The following BNC2 variants were observed in gnomAD, a reference collection of about 807,000 sequenced individuals.
The protein encoded by BNC2 is basonuclin zinc finger protein 2, also known as zinc finger protein basonuclin-2.
In BNC2, 20 loss-of-function variants were observed where a neutral mutation model predicts 76.3. That is an observed-to-expected ratio of 0.26 (90% CI 0.18 to 0.38). The LOEUF (loss-of-function observed/expected upper bound fraction) is 0.38. Among genes scored for constraint, BNC2 ranks in the 10% least tolerant of loss-of-function variants. The pLI is 1.00. For synonymous variants in BNC2, 582 were observed against 514.8 expected (o/e 1.13, Z -1.77); for missense variants, 1,382 against 1,399.8 (o/e 0.99, Z 0.20).
At chr9:16,429,871 C>T (rs186017835) in intron 6 of BNC2, 12 of 477,282 alleles carry the variant, frequency 2.5e-5, no homozygotes, top group East Asian at 1.2e-4. Flanking sequence ...GAGGCTTAAA[C>T]GAGCTTGTCT....
chr9:16,437,777 C>T (rs1017136404), intron 5 of BNC2, among the ~76,000 whole-genome samples: 1 of 152,164 alleles, frequency 6.6e-6, no homozygotes, highest in African/African-American at 2.4e-5. Flanking sequence ...ATGTAGACCA[C>T]TGGGGCTCTG....
At chr9:16,471,688 G>A (rs1387633316) in intron 5 of BNC2, among the ~76,000 whole-genome samples, 1 of 152,182 alleles carries the variant, frequency 6.6e-6, no homozygotes, top group African/African-American at 2.4e-5. Flanking sequence ...ATGCTGAAAT[G>A]AGTTAAGACT....
chr9:16,645,338 T>C (rs1821594405), intron 3 of BNC2, among the ~76,000 whole-genome samples: 1 of 152,216 alleles, frequency 6.6e-6, no homozygotes. Flanking sequence ...TAAAAAATTA[T>C]TATTTTCTGC....
intron 5 of BNC2, among the ~76,000 whole-genome samples, chr9:16,437,730 G>C (rs3814110): frequency 0.086 from 13,088 of 152,222 alleles, 587 homozygotes; most frequent in Middle Eastern, 0.13. Flanking sequence ...CACAGTTAGA[G>C]AAACAGATTG....
chr9:16,561,867 G>T (rs1386790614), intron 4 of BNC2, among the ~76,000 whole-genome samples: 2 of 152,074 alleles, frequency 1.3e-5, no homozygotes, highest in Non-Finnish European at 2.9e-5. Context: ...AGCTGAGCAT[G>T]GTGGCACGTG....
chr9:16,788,298 A>G (rs796957908), intron 1 of BNC2, among the ~76,000 whole-genome samples: 6 of 152,080 alleles, frequency 3.9e-5, no homozygotes, highest in Non-Finnish European at 8.8e-5. Flanking sequence ...TCACGCCTGT[A>G]ATCCCAGCAC....
intron 2 of BNC2, 100 bp downstream of exon 2, chr9:16,738,260 A>G: frequency 7.6e-7 from 1 of 1,315,390 alleles, no homozygotes. Flanking sequence ...ACAGTAAAAG[A>G]GTGGCAGAAA....
intron 5 of BNC2, among the ~76,000 whole-genome samples, chr9:16,551,409 A>G: frequency 6.6e-6 from 1 of 152,212 alleles, no homozygotes; most frequent in East Asian, 1.9e-4. Context: ...CGAGAGGTAG[A>G]CTGAGGCTCC....
Position 16,412,956 on chromosome 9 carries a change from G to C in BNC2, c.*6033C>G, listed in dbSNP as rs924678687. 6.5e-6 allele frequency: 1 copy of C among 152,728 alleles called. No homozygotes were observed. Among genetic ancestry groups the C allele is most frequent in the African/African-American group, 2.4e-5 (1 of 41,450 alleles). The allele number at this position is 152,728 out of a possible 1,614,324, so 9.5% of individuals were successfully genotyped here. ...CAGGGCCAGGGCAATAAGTAGCCAG[G>C]AGAGCTGGGCTGAAGCAGAGAGGGT... On this transcript the variant is annotated 3_prime_UTR_variant, in exon 7 of 7. Transcript: ENST00000380672.
chr9:16,870,262 C>T (rs995927278), intron 1 of BNC2, among the ~76,000 whole-genome samples: 2 of 152,174 alleles, frequency 1.3e-5, no homozygotes, highest in South Asian at 4.1e-4. Context: ...CCTGCCAGCG[C>T]TCCATTCATC....
chr9:16,493,634 T>G (rs1490301293), intron 5 of BNC2, among the ~76,000 whole-genome samples: 5 of 152,140 alleles, frequency 3.3e-5, no homozygotes, highest in Admixed American at 2.0e-4. Context: ...CAAATCCAAA[T>G]AAGACCCTCA....
intron 5 of BNC2, among the ~76,000 whole-genome samples, chr9:16,490,474 C>T (rs886338451): frequency 6.6e-6 from 1 of 152,176 alleles, no homozygotes; most frequent in South Asian, 2.1e-4. Context: ...CACAGCCAAA[C>T]CGTATCACTC....
chr9:16,414,053 A>C lies in BNC2; in HGVS notation c.*4936T>G, dbSNP rs889773087. 22 of 151,952 alleles carry C rather than the reference A, an allele frequency of 1.4e-4. No homozygotes were observed. Among genetic ancestry groups the C allele is most frequent in the African/African-American group, 5.3e-4 (22 of 41,324 alleles). 9.4% of individuals were successfully genotyped at this position (151,952 alleles called of 1,614,324 possible). On this transcript the variant is annotated 3_prime_UTR_variant, in exon 7 of 7. Transcript: ENST00000380672. The stretch of plus-strand genomic sequence containing the variant: ...TCAGGGGATTCCAGCAACACTTCCC[A>C]CTCAAAAACAAAGCAAAAGCAACCA...
intron 5 of BNC2, among the ~76,000 whole-genome samples, chr9:16,551,052 C>G (rs192279799): frequency 6.6e-5 from 10 of 152,112 alleles, no homozygotes; most frequent in African/African-American, 2.2e-4. Context: ...GCCCCCTGAC[C>G]GTCCAAGACT....
intron 5 of BNC2, among the ~76,000 whole-genome samples, chr9:16,449,860 A>T (rs1256787950): frequency 6.6e-6 from 1 of 151,880 alleles, no homozygotes; most frequent in Non-Finnish European, 1.5e-5. Flanking sequence ...AGGGTAACTA[A>T]AATTGTAATG....
At chr9:16,670,307 G>C (rs1822437113) in intron 3 of BNC2, among the ~76,000 whole-genome samples, 1 of 151,972 alleles carries the variant, frequency 6.6e-6, no homozygotes, top group African/African-American at 2.4e-5. Context: ...TATACATATA[G>C]AATATAAACA....
chr9:16,648,075 A>ATG (rs139071003), intron 3 of BNC2, among the ~76,000 whole-genome samples: 50 of 152,132 alleles, frequency 3.3e-4, no homozygotes, highest in South Asian at 8.3e-4. Flanking sequence ...GCAATAAAAT[A>ATG]TGTGTGTGTG....
intron 1 of BNC2, among the ~76,000 whole-genome samples, chr9:16,760,794 T>C (rs964439861): frequency 2.0e-5 from 3 of 151,916 alleles, no homozygotes; most frequent in African/African-American, 7.3e-5. Flanking sequence ...TGAATTCTAA[T>C]GAACAGAAAA....
In BNC2 at chr9:16,793,818, C is replaced by T. The variant is rs573136938; in HGVS notation, c.4-55333G>A. ...GTAGCTGGGACTGGGACTGCAGGTG[C>T]CCGCCACCATGCCCAGCTAGTTTTT... is the stretch of plus-strand genomic sequence containing the variant. On this transcript the variant is annotated intron_variant, in intron 1 of 6. Transcript: ENST00000380672. Among the ~76,000 whole-genome samples, 22 of 150,544 alleles carry T rather than the reference C, an allele frequency of 1.5e-4. No individual in the cohort carries two copies. In the South Asian group the frequency reaches 4.4e-3, roughly 30 times the overall value.
Sources: gnomAD v4.1 joint callset for allele counts (sites outside exome capture counted in the v4.1 genomes callset) on GRCh38, gnomAD v4.1.1 for gene constraint, MANE v1.5 for transcripts, NCBI Gene and HGNC (gene_info 2026-07-23, HGNC 2026-07-21) for gene names.